The following SYNJ2BP variants were observed in gnomAD, a reference collection of about 807,000 sequenced individuals.
SYNJ2BP encodes synaptojanin-2-binding protein.
Under a neutral mutation model 16.9 loss-of-function variants are expected in SYNJ2BP, and 10 were observed. The ratio of observed to expected loss-of-function variants is 0.59; its 90% CI spans 0.36 to 1.00. The LOEUF is 1.00. Among genes scored for constraint, SYNJ2BP ranks in the 50% least tolerant of loss-of-function variants. SYNJ2BP has a pLI of 0.01. For synonymous variants in SYNJ2BP, 54 were observed against 68.4 expected (o/e 0.79, Z 1.04); for missense variants, 162 against 186.7 (o/e 0.87, Z 0.77).
intron 1 of SYNJ2BP, among the ~76,000 whole-genome samples, chr14:70,412,242 G>T (rs1212113067): frequency 1.3e-5 from 2 of 152,128 alleles, no homozygotes; most frequent in African/African-American, 4.8e-5. Flanking sequence ...ATAAAGGTCA[G>T]GGGAAAGGTT....
intron 2 of SYNJ2BP, among the ~76,000 whole-genome samples, chr14:70,385,104 T>C (rs10148810): frequency 0.87 from 132,824 of 152,096 alleles, 58,065 homozygotes; most frequent in East Asian, 0.93. Context: ...AAGTAAAATC[T>C]TCTTTGCTAT....
At chr14:70,382,757 GTGT>G (rs1171275903) in intron 2 of SYNJ2BP, among the ~76,000 whole-genome samples, 3 of 152,196 alleles carry the variant, frequency 2.0e-5, no homozygotes, top group Non-Finnish European at 4.4e-5. Flanking sequence ...AATGAGCATG[GTGT>G]TGTTCTAGTT....
chr14:70,393,110 C>T (rs1392371628), intron 1 of SYNJ2BP, among the ~76,000 whole-genome samples: 1 of 152,082 alleles, frequency 6.6e-6, no homozygotes, highest in East Asian at 1.9e-4. Context: ...AACAAATTTA[C>T]AAGGAAAAAA....
At chr14:70,375,533 T>C in intron 3 of SYNJ2BP, 143 bp downstream of exon 3, 2 of 1,062,274 alleles carry the variant, frequency 1.9e-6, no homozygotes, top group Non-Finnish European at 2.6e-6. Flanking sequence ...GAAGTACCAA[T>C]GGACCCCTCC....
intron 2 of SYNJ2BP, among the ~76,000 whole-genome samples, chr14:70,377,025 AAT>A (rs1290899915): frequency 2.0e-5 from 3 of 152,226 alleles, no homozygotes; most frequent in Non-Finnish European, 4.4e-5. Context: ...TTTGTAAACC[AAT>A]AGTTTCCAAC....
At chr14:70,394,739 A>G (rs527752764) in intron 1 of SYNJ2BP, among the ~76,000 whole-genome samples, 21 of 152,180 alleles carry the variant, frequency 1.4e-4, no homozygotes, top group Admixed American at 2.6e-4. Flanking sequence ...TAAAAGAGCA[A>G]TGGCAGAAGC....
In SYNJ2BP at chr14:70,375,742, C is replaced by T; in HGVS notation, c.231G>A (p.Leu77=). ...GAAAGAGGTCTACAGCATCCTGGTG[C>T]AGCAGGTTCTTTAGGTCTTGGCCAT... ...SVNGQDLKNL[L]HQDAVDLFRN... The change falls in exon 3 of 4, where the codon CTG becomes CTA. Residue 77 remains leucine, a synonymous_variant. Transcript: ENST00000256366. The T allele has an allele frequency of 6.2e-7, 1 of 1,614,126 alleles. No homozygotes were observed. Among genetic ancestry groups the T allele is most frequent in the Non-Finnish European group, 8.5e-7 (1 of 1,180,000 alleles).
chr14:70,416,554 G>A (rs1280725674), intron 1 of SYNJ2BP, among the ~76,000 whole-genome samples: 2 of 152,066 alleles, frequency 1.3e-5, no homozygotes, highest in Non-Finnish European at 2.9e-5. Flanking sequence ...CTCATAGGGG[G>A]AGGGATAGAA....
intron 2 of SYNJ2BP, among the ~76,000 whole-genome samples, chr14:70,376,096 A>G (rs1887624011): frequency 6.6e-6 from 1 of 152,224 alleles, no homozygotes; most frequent in Admixed American, 6.5e-5. Context: ...CATGAGTGTT[A>G]ACCTGCTTCC....
Position 70,368,094 on chromosome 14 carries a change from T to G in SYNJ2BP, c.*4897A>C, listed in dbSNP as rs543843080. 1 of 152,318 alleles carries G rather than the reference T, an allele frequency of 6.6e-6. No homozygotes were observed. The highest frequency in any genetic ancestry group is 2.4e-5 in the African/African-American group (1 of 41,564). The allele number at this position is 152,318 out of a possible 1,614,324, so 9.4% of individuals were successfully genotyped here. On this transcript the variant is annotated 3_prime_UTR_variant, in exon 4 of 4. Coordinates refer to ENST00000256366, the MANE Select transcript of SYNJ2BP (RefSeq NM_018373.3). ...AGCCTATACACTTCCTTATGTTTCATTTCTTTAAATATACTTTAAAAATTG... is the reference window on the plus strand; with the variant it reads ...AGCCTATACACTTCCTTATGTTTCAGTTCTTTAAATATACTTTAAAAATTG...
At chr14:70,380,388 G>GCT (rs1887720921) in intron 2 of SYNJ2BP, among the ~76,000 whole-genome samples, 1 of 152,108 alleles carries the variant, frequency 6.6e-6, no homozygotes, top group South Asian at 2.1e-4. Context: ...TTGAGGCCAG[G>GCT]CATGGTGGCT....
At chr14:70,386,451 G>T (rs934758810) in intron 2 of SYNJ2BP, among the ~76,000 whole-genome samples, 3 of 152,182 alleles carry the variant, frequency 2.0e-5, no homozygotes, top group African/African-American at 7.2e-5. Context: ...TTATATTATG[G>T]ATCAGCGAGG....
rs1887447795 is a variant in SYNJ2BP at position 70,368,647 on chromosome 14, C to T, written c.*4344G>A. 2 of 152,304 alleles carry T rather than the reference C, an allele frequency of 1.3e-5. No homozygotes were observed. Among genetic ancestry groups the T allele is most frequent in the Non-Finnish European group, 2.9e-5 (2 of 68,034 alleles). 9.4% of individuals were successfully genotyped at this position (152,304 alleles called of 1,614,324 possible). A position where few individuals can be genotyped will look rare whatever the true frequency, so the allele number is the denominator to read the frequency against. On this transcript the variant is annotated 3_prime_UTR_variant, in exon 4 of 4. Transcript: ENST00000256366. ...CAGGAAGAAATGAATGTTCCACTTACTTCGTGCAGAAGCTCAGGAAGCTGG... is the reference window on the plus strand; with the variant it reads ...CAGGAAGAAATGAATGTTCCACTTATTTCGTGCAGAAGCTCAGGAAGCTGG...
intron 1 of SYNJ2BP, among the ~76,000 whole-genome samples, chr14:70,396,284 A>AT (rs1239987303): frequency 3.3e-5 from 5 of 151,998 alleles, no homozygotes; most frequent in Non-Finnish European, 7.4e-5. Context: ...CGCCTGGCTA[A>AT]TTTTTGGTAT....
At chr14:70,388,376 G>T in intron 2 of SYNJ2BP, 94 bp downstream of exon 2, 1 of 1,389,194 alleles carries the variant, frequency 7.2e-7, no homozygotes, top group Non-Finnish European at 9.4e-7. Flanking sequence ...TATATTTCCA[G>T]ATCCAAATCT....
Position 70,370,920 on chromosome 14 carries a change from A to G in SYNJ2BP, c.*2071T>C, listed in dbSNP as rs527605967. ...TTACACTGTCCTACCTATGTGGCCA[A>G]TAAGAGTGTTGTCTTCGCAGTTGGA... is the stretch of plus-strand genomic sequence containing the variant. On this transcript the variant is annotated 3_prime_UTR_variant, in exon 4 of 4. Coordinates refer to ENST00000256366, the MANE Select transcript of SYNJ2BP (RefSeq NM_018373.3). 6.6e-6 allele frequency: 1 copy of G among 152,278 alleles called. No homozygotes were observed. The highest frequency in any genetic ancestry group is 1.9e-4 in the East Asian group (1 of 5,178). The allele number at this position is 152,278 out of a possible 1,614,324, so 9.4% of individuals were successfully genotyped here.
In SYNJ2BP at chr14:70,367,064, T is replaced by C. The variant is rs906884386; in HGVS notation, c.*5927A>G. 5 of 152,172 alleles carry C rather than the reference T, an allele frequency of 3.3e-5. No individual in the cohort carries two copies. The highest frequency in any genetic ancestry group is 6.5e-5 in the Admixed American group (1 of 15,280). The allele number at this position is 152,172 out of a possible 1,614,324, so 9.4% of individuals were successfully genotyped here. On this transcript the variant is annotated 3_prime_UTR_variant, in exon 4 of 4. Coordinates refer to ENST00000256366, the MANE Select transcript of SYNJ2BP (RefSeq NM_018373.3). Reference sequence around the variant, plus strand: ...ATTGTTGGTTAAGGATTGACTTGCATTGACAACACACTTTAGCTCTCGCCC... The same window carrying C: ...ATTGTTGGTTAAGGATTGACTTGCACTGACAACACACTTTAGCTCTCGCCC...
rs200112970 is a variant in SYNJ2BP at position 70,416,953 on chromosome 14, C to A, written c.11G>T (p.Arg4Ile). The change falls in exon 1 of 4, where the codon AGA (arginine) becomes ATA (isoleucine). Residue 4 changes from arginine to isoleucine, a missense_variant. Arg to Ile is a moderately conservative substitution (Grantham distance 97, BLOSUM62 -3). Transcript: ENST00000256366. MNG[R>I]VDYLVTEEEI... ...TTCCTCAGTGACCAAATAATCCACT[C>A]TTCCGTTCATGTTTTACAGCTCGTC... is the stretch of plus-strand genomic sequence containing the variant. The A allele has an allele frequency of 6.2e-7, 1 of 1,614,182 alleles. No individual in the cohort carries two copies. Among genetic ancestry groups the A allele is most frequent in the South Asian group, 1.1e-5 (1 of 91,078 alleles).
intron 1 of SYNJ2BP, among the ~76,000 whole-genome samples, chr14:70,401,166 C>T (rs769462489): frequency 6.6e-6 from 1 of 151,630 alleles, no homozygotes; most frequent in Non-Finnish European, 1.5e-5. Flanking sequence ...CATTTGCAAG[C>T]ACAAGAGGGA....
Sources: allele counts gnomAD v4.1 joint callset (sites outside exome capture counted in the v4.1 genomes callset), GRCh38; gene constraint gnomAD v4.1.1; transcripts MANE v1.5; gene names NCBI Gene and HGNC (gene_info 2026-07-23, HGNC 2026-07-21).